The following XKR6 variants were observed in gnomAD, a reference collection of about 807,000 sequenced individuals.
XKR6 encodes the protein XK-related protein 6.
Under a neutral mutation model 56.7 loss-of-function variants are expected in XKR6, and 22 were observed. That is an observed-to-expected ratio of 0.39 (90% CI 0.28 to 0.55). The LOEUF (loss-of-function observed/expected upper bound fraction) is 0.55. XKR6 is among the 20% of genes least tolerant of loss of function. The probability of loss-of-function intolerance (pLI) is 0.66; values close to 1 mark genes in which losing one functional copy is unlikely to be tolerated. For missense variants in XKR6, 852 were observed against 889.0 expected (o/e 0.96, Z 0.53); for synonymous variants, 524 against 387.8 (o/e 1.35, Z -4.13).
At chr8:11,109,990 T>C (rs1224791632) in intron 1 of XKR6, among the ~76,000 whole-genome samples, 1 of 152,232 alleles carries the variant, frequency 6.6e-6, no homozygotes, top group Non-Finnish European at 1.5e-5. Context: ...TGTTTGTCTT[T>C]GACATGGAGT....
chr8:10,939,394 C>T (rs141632275), intron 1 of XKR6, among the ~76,000 whole-genome samples: 147 of 152,298 alleles, frequency 9.7e-4, no homozygotes, highest in Middle Eastern at 6.8e-3. Context: ...CGCTGACCTG[C>T]TCGAGGAACA....
At chr8:11,032,137 G>T (rs558231607) in intron 1 of XKR6, among the ~76,000 whole-genome samples, 2 of 152,190 alleles carry the variant, frequency 1.3e-5, no homozygotes, top group Non-Finnish European at 2.9e-5. Context: ...GGAGAATCTT[G>T]CCTTTGCTCA....
intron 1 of XKR6, among the ~76,000 whole-genome samples, chr8:11,017,218 G>C (rs1183933373): frequency 6.6e-6 from 1 of 152,216 alleles, no homozygotes; most frequent in Non-Finnish European, 1.5e-5. Flanking sequence ...GCCACAGATA[G>C]GTAGGCAGTG....
intron 1 of XKR6, among the ~76,000 whole-genome samples, chr8:11,113,427 A>T (rs187231853): frequency 3.3e-4 from 50 of 152,364 alleles, no homozygotes; most frequent in Non-Finnish European, 7.1e-4. Flanking sequence ...AAGCCACTGT[A>T]TTATCTTCAA....
At chr8:10,914,907 G>A (rs1464744757) in intron 2 of XKR6, among the ~76,000 whole-genome samples, 3 of 152,226 alleles carry the variant, frequency 2.0e-5, no homozygotes, top group Non-Finnish European at 4.4e-5. Context: ...CAAGGCCTTT[G>A]TCTGGGCCAC....
chr8:11,067,399 C>T (rs924164180), intron 1 of XKR6, among the ~76,000 whole-genome samples: 44 of 152,206 alleles, frequency 2.9e-4, no homozygotes, highest in African/African-American at 9.6e-4. Flanking sequence ...CACTTCTCCT[C>T]GAAGCATCAG....
intron 1 of XKR6, among the ~76,000 whole-genome samples, chr8:11,076,748 GC>G (rs1223052257): frequency 2.6e-5 from 4 of 152,244 alleles, no homozygotes; most frequent in African/African-American, 9.6e-5. Context: ...AGCGATGGCA[GC>G]CTCCTTGGAG....
intron 1 of XKR6, among the ~76,000 whole-genome samples, chr8:11,083,055 G>A (rs778948293): frequency 6.6e-6 from 1 of 152,150 alleles, no homozygotes; most frequent in Non-Finnish European, 1.5e-5. Flanking sequence ...CTGCCCTGAG[G>A]TTTCTGATCC....
At chr8:11,020,003 G>C (rs1213892056) in intron 1 of XKR6, among the ~76,000 whole-genome samples, 1 of 152,168 alleles carries the variant, frequency 6.6e-6, no homozygotes, top group Non-Finnish European at 1.5e-5. Context: ...TCTTCCCCCA[G>C]GAAGGAATGG....
intron 1 of XKR6, among the ~76,000 whole-genome samples, chr8:11,141,461 G>C (rs1409380122): frequency 1.3e-5 from 2 of 152,194 alleles, no homozygotes; most frequent in African/African-American, 4.8e-5. Context: ...AGGATTCTCA[G>C]TGTAGAAAAA....
At chr8:10,961,944 C>T (rs1443985683) in intron 1 of XKR6, among the ~76,000 whole-genome samples, 2 of 152,204 alleles carry the variant, frequency 1.3e-5, no homozygotes, top group Non-Finnish European at 2.9e-5. Flanking sequence ...ATTCATCCAA[C>T]ACAAACGCAT....
At chr8:10,989,891 G>T (rs867737200) in intron 1 of XKR6, among the ~76,000 whole-genome samples, 1 of 152,204 alleles carries the variant, frequency 6.6e-6, no homozygotes, top group Non-Finnish European at 1.5e-5. Context: ...GTCACTTCTG[G>T]TATCTTTTGA....
At chr8:10,900,749 A>G (rs1042962249) in intron 2 of XKR6, among the ~76,000 whole-genome samples, 9 of 151,966 alleles carry the variant, frequency 5.9e-5, no homozygotes, top group African/African-American at 2.2e-4. Context: ...TTGGTCAGGG[A>G]ACCTTTTAGT....
intron 1 of XKR6, among the ~76,000 whole-genome samples, chr8:11,172,289 G>A (rs1217293012): frequency 2.0e-5 from 3 of 152,146 alleles, no homozygotes; most frequent in Admixed American, 6.5e-5. Flanking sequence ...AGGATCACCT[G>A]AGCCTGGGAG....
chr8:11,059,437 C>T (rs1799771120), intron 1 of XKR6, among the ~76,000 whole-genome samples: 1 of 152,200 alleles, frequency 6.6e-6, no homozygotes, highest in Admixed American at 6.5e-5. Context: ...CAGCGCTCAG[C>T]TCCGCGTCCC....
chr8:10,930,204 G>C (rs1055432196), intron 1 of XKR6, among the ~76,000 whole-genome samples: 1 of 152,134 alleles, frequency 6.6e-6, no homozygotes, highest in African/African-American at 2.4e-5. Context: ...ACCTATCTGG[G>C]CCCACAGTCT....
chr8:11,010,834 G>A (rs890026541), intron 1 of XKR6, among the ~76,000 whole-genome samples: 3 of 151,636 alleles, frequency 2.0e-5, no homozygotes, highest in African/African-American at 7.3e-5. Context: ...GTCACAAGAG[G>A]CAAAGAACGG....
At chr8:10,966,289 C>A (rs979754612) in intron 1 of XKR6, among the ~76,000 whole-genome samples, 12 of 152,080 alleles carry the variant, frequency 7.9e-5, no homozygotes, top group African/African-American at 7.2e-5. Context: ...CATGGACCAC[C>A]CTTGGGAGCC....
intron 1 of XKR6, among the ~76,000 whole-genome samples, chr8:11,083,410 G>A (rs770599547): frequency 1.2e-4 from 19 of 152,202 alleles, no homozygotes; most frequent in Non-Finnish European, 8.8e-5. Flanking sequence ...CCACCTGTCA[G>A]GGAATGTCAC....
Sources: allele counts gnomAD v4.1 joint callset (sites outside exome capture counted in the v4.1 genomes callset), GRCh38; gene constraint gnomAD v4.1.1; transcripts MANE v1.5; gene names NCBI Gene and HGNC (gene_info 2026-07-23, HGNC 2026-07-21).